LAMC2: variants seen among roughly 807,000 people sequenced by gnomAD.
LAMC2 encodes the protein laminin subunit gamma 2, also known as laminin subunit gamma-2.
In LAMC2, 97 loss-of-function variants were observed where a neutral mutation model predicts 140.2. That is an observed-to-expected ratio of 0.69 (90% CI 0.59 to 0.82). LAMC2 has a LOEUF of 0.82. Ranked by LOEUF, LAMC2 falls within the 40% of genes least tolerant of loss-of-function variation. LAMC2 has a pLI of 0.00. For synonymous variants in LAMC2, 513 were observed against 540.2 expected (o/e 0.95, Z 0.70); for missense variants, 1,402 against 1,476.1 (o/e 0.95, Z 0.82).
At chr1:183,208,385 C>T (rs1658966951) in intron 2 of LAMC2, among the ~76,000 whole-genome samples, 1 of 152,076 alleles carries the variant, frequency 6.6e-6, no homozygotes, top group African/African-American at 2.4e-5. Flanking sequence ...CTTTTCCAGG[C>T]AGGTGACAGT....
In LAMC2 at chr1:183,237,457, AAAG is replaced by A. The variant is rs1179496469; in HGVS notation, c.2714_2716del (p.Glu905del). 6.2e-6 allele frequency: 10 copies of A among 1,614,200 alleles called. No homozygotes were observed. Among genetic ancestry groups the A allele is most frequent in the South Asian group, 1.1e-5 (1 of 91,084 alleles). On this transcript the variant is annotated inframe_deletion, in exon 18 of 23. Coordinates refer to ENST00000264144, the MANE Select transcript of LAMC2 (RefSeq NM_005562.3). The stretch of plus-strand genomic sequence containing the variant: ...TACACAGAAGAATCTGGGAAACTGG[AAAG>A]AAGAAGCACAGCAGCTCTTACAGAA...
At chr1:183,256,800 A>T in the LAMC2 span, among the ~76,000 whole-genome samples, 1 of 151,934 alleles carries the variant, frequency 6.6e-6, no homozygotes, top group Non-Finnish European at 1.5e-5. Context: ...CCCAGGCTGG[A>T]GTGCAGCAGC....
downstream of LAMC2, among the ~76,000 whole-genome samples, chr1:183,245,861 G>A (rs978081026): frequency 1.3e-5 from 2 of 152,114 alleles, no homozygotes; most frequent in African/African-American, 4.8e-5. Flanking sequence ...TTCTTCAATG[G>A]AATAGATTGT....
chr1:183,198,210 C>T (rs1235532257), intron 1 of LAMC2, among the ~76,000 whole-genome samples: 4 of 147,898 alleles, frequency 2.7e-5, no homozygotes, highest in African/African-American at 5.0e-5. Context: ...TTCGTGATCT[C>T]GGCTTACTGC....
chr1:183,231,573 A>G (rs185869521), intron 12 of LAMC2, among the ~76,000 whole-genome samples: 47 of 152,380 alleles, frequency 3.1e-4, no homozygotes, highest in Non-Finnish European at 2.9e-4. Flanking sequence ...GAAGAAAAAC[A>G]TAAACATAAA....
chr1:183,215,630 A>G (rs760023390), intron 3 of LAMC2, 42 bp downstream of exon 3: 1 of 1,612,664 alleles, frequency 6.2e-7, no homozygotes, highest in Non-Finnish European at 8.5e-7. Context: ...TAACTCAGTG[A>G]TGACAATTAT....
At chr1:183,186,565 C>T in intron 1 of LAMC2, 134 bp downstream of exon 1, 1 of 916,974 alleles carries the variant, frequency 1.1e-6, no homozygotes, top group South Asian at 1.6e-5. Context: ...CCTTCTCCTC[C>T]CCTATCTGGG....
downstream of LAMC2, among the ~76,000 whole-genome samples, chr1:183,246,711 A>G (rs1660250025): frequency 6.6e-6 from 1 of 152,216 alleles, no homozygotes; most frequent in African/African-American, 2.4e-5. Flanking sequence ...GTAATATTCA[A>G]TGTTTTGAAC....
chr1:183,186,834 G>T (rs937229190), intron 1 of LAMC2, among the ~76,000 whole-genome samples: 2 of 152,200 alleles, frequency 1.3e-5, no homozygotes, highest in Admixed American at 6.5e-5. Flanking sequence ...AGATTGCAAA[G>T]GAACCTCTTC....
intron 1 of LAMC2, among the ~76,000 whole-genome samples, chr1:183,202,087 G>A (rs564040355): frequency 7.9e-5 from 12 of 151,894 alleles, no homozygotes; most frequent in Non-Finnish European, 1.8e-4. Flanking sequence ...CTGGATGCTC[G>A]GGAGGCTGAG....
At chr1:183,241,403 G>C in intron 22 of LAMC2, 1 of 813,448 alleles carries the variant, frequency 1.2e-6, no homozygotes, top group African/African-American at 1.9e-5. Flanking sequence ...AGGCCTGTGA[G>C]ATAATTTTAG....
At chr1:183,258,836 G>A in the LAMC2 span, among the ~76,000 whole-genome samples, 1 of 152,068 alleles carries the variant, frequency 6.6e-6, no homozygotes, top group African/African-American at 2.4e-5. Flanking sequence ...TCGACTCCCT[G>A]TGATTTCATC....
At chr1:183,249,733 T>TGTGTGTGTG (rs1472264510), downstream of LAMC2, 9 of 65,296 alleles carry the variant, frequency 1.4e-4, no homozygotes, top group South Asian at 2.3e-3. Context: ...GTGTGTGTGT[T>TGTGTGTGTG]TGGGGGGTAG....
chr1:183,236,830 A>G (rs1053602468), intron 17 of LAMC2, among the ~76,000 whole-genome samples: 2 of 152,190 alleles, frequency 1.3e-5, no homozygotes, highest in Admixed American at 1.3e-4. Context: ...ATTACTGGAT[A>G]AAAGTTTTAT....
chr1:183,243,438 T>G lies in LAMC2; in HGVS notation c.*38T>G, dbSNP rs1313290423. ...TATTTCTCAACTGAGGTTCTTGGGATACAGATCTCAGGGCTCGGGAGCCAT... is the reference window on the plus strand; with the variant it reads ...TATTTCTCAACTGAGGTTCTTGGGAGACAGATCTCAGGGCTCGGGAGCCAT... On this transcript the variant is annotated 3_prime_UTR_variant, in exon 23 of 23. Transcript: ENST00000264144. 6.2e-7 allele frequency: 1 copy of G among 1,614,014 alleles called. No individual in the cohort carries two copies. Among genetic ancestry groups the G allele is most frequent in the South Asian group, 1.1e-5 (1 of 91,068 alleles).
downstream of LAMC2, among the ~76,000 whole-genome samples, chr1:183,245,487 G>A (rs981103305): frequency 6.6e-6 from 1 of 152,214 alleles, no homozygotes; most frequent in Non-Finnish European, 1.5e-5. Flanking sequence ...CCATTTACAT[G>A]TGACTTCTAA....
At chr1:183,245,196 G>A (rs1274961053), downstream of LAMC2, among the ~76,000 whole-genome samples, 3 of 152,172 alleles carry the variant, frequency 2.0e-5, no homozygotes, top group Non-Finnish European at 1.5e-5. Flanking sequence ...GCTATAAAAT[G>A]AAGGTAAAAT....
the LAMC2 span, among the ~76,000 whole-genome samples, chr1:183,256,977 C>T: frequency 6.6e-6 from 1 of 151,974 alleles, no homozygotes; most frequent in Non-Finnish European, 1.5e-5. Context: ...ATCTTGAACT[C>T]CTGACCTCAA....
chr1:183,231,179 A>G, intron 12 of LAMC2, 76 bp downstream of exon 12: 2 of 1,549,412 alleles, frequency 1.3e-6, no homozygotes, highest in Non-Finnish European at 1.8e-6. Context: ...GTTCTGTCAC[A>G]GATCTAGGAC....
Sources: gnomAD v4.1 joint callset for allele counts (sites outside exome capture counted in the v4.1 genomes callset) on GRCh38, gnomAD v4.1.1 for gene constraint, MANE v1.5 for transcripts, NCBI Gene and HGNC (gene_info 2026-07-23, HGNC 2026-07-21) for gene names.